Variants in NXPE2 observed in about 807,000 individuals in gnomAD.
NXPE2 encodes the protein neurexophilin and PC-esterase domain family member 2.
Under a neutral mutation model 34.4 loss-of-function variants are expected in NXPE2, and 34 were observed. The ratio of observed to expected loss-of-function variants is 0.99; its 90% CI spans 0.75 to 1.31. The LOEUF is 1.31. NXPE2 is among the 40% of genes most tolerant of loss of function. NXPE2 has a pLI of 0.00. For synonymous variants in NXPE2, 235 were observed against 231.3 expected, an observed-to-expected ratio of 1.02 and a Z score of -0.15; for missense variants, 649 against 672.5, an observed-to-expected ratio of 0.97 and a Z score of 0.39.
chr11:114,499,158 TAGC>T, the NXPE2 span, among the ~76,000 whole-genome samples: 6 of 152,264 alleles, frequency 3.9e-5, no homozygotes, highest in East Asian at 1.2e-3. Context: ...TCAGGATTTT[TAGC>T]TTAGATTACT....
chr11:114,682,593 C>T (rs1477602651), intron 2 of NXPE2, among the ~76,000 whole-genome samples: 1 of 152,146 alleles, frequency 6.6e-6, no homozygotes, highest in Non-Finnish European at 1.5e-5. Context: ...TTTAAAAGCA[C>T]ATACAGGAAG....
At chr11:114,696,656 C>A (rs1475846769) in intron 2 of NXPE2, among the ~76,000 whole-genome samples, 1 of 151,978 alleles carries the variant, frequency 6.6e-6, no homozygotes, top group East Asian at 1.9e-4. Flanking sequence ...AAGCATATAT[C>A]AATAAAAAGA....
the NXPE2 span, among the ~76,000 whole-genome samples, chr11:114,789,695 G>C: frequency 1.8e-4 from 28 of 152,334 alleles, 2 homozygotes; most frequent in East Asian, 5.8e-4. Flanking sequence ...GGGGGCTTCA[G>C]TGAACCCTGA....
rs61693681 is a variant in NXPE2 at position 114,706,085 on chromosome 11, ATTTAT to A, written c.1144+119_1144+123del. On this transcript the variant is annotated intron_variant, in intron 5 of 5. Coordinates refer to ENST00000389586, the MANE Select transcript of NXPE2 (RefSeq NM_182495.6). ...GAATTATTTGCTTTTCTTTTCTAATATTTATTTTATTTTATTTTATTTTATTTTAT... is the reference window on the plus strand; with the variant it reads ...GAATTATTTGCTTTTCTTTTCTAATATTTATTTTATTTTATTTTATTTTAT... 1.9e-3 allele frequency: 728 copies of A among 382,264 alleles called. 2 individuals carry two copies. Among genetic ancestry groups the A allele is most frequent in the African/African-American group, 5.6e-3 (265 of 47,280 alleles). The allele number at this position is 382,264 out of a possible 1,614,324, so 23.7% of individuals were successfully genotyped here.
the NXPE2 span, among the ~76,000 whole-genome samples, chr11:114,558,659 T>C: frequency 6.6e-6 from 1 of 152,228 alleles, no homozygotes; most frequent in Non-Finnish European, 1.5e-5. Flanking sequence ...ACAATCCTCC[T>C]GTTATGGACT....
chr11:114,688,915 A>AT (rs1951096725), intron 2 of NXPE2, among the ~76,000 whole-genome samples: 1 of 152,008 alleles, frequency 6.6e-6, no homozygotes, highest in Non-Finnish European at 1.5e-5. Context: ...AGATAATTGT[A>AT]TTTCTGTGGG....
the NXPE2 span, among the ~76,000 whole-genome samples, chr11:114,742,876 A>T: frequency 6.6e-6 from 1 of 152,156 alleles, no homozygotes; most frequent in East Asian, 1.9e-4. Flanking sequence ...GGTTTGACCA[A>T]TTCCAACAGG....
chr11:114,780,622 C>G, the NXPE2 span, among the ~76,000 whole-genome samples: 4 of 152,144 alleles, frequency 2.6e-5, no homozygotes. Context: ...ACTGGTAACT[C>G]TAGTAGAAGG....
the NXPE2 span, among the ~76,000 whole-genome samples, chr11:114,639,825 T>TATATATTATATTAAATATAAAATATA: frequency 1.7e-5 from 2 of 116,824 alleles, no homozygotes; most frequent in African/African-American, 3.5e-5. Flanking sequence ...TAAAATATAA[T>TATATATTATATTAAATATAAAATATA]ATATATTATA....
the NXPE2 span, among the ~76,000 whole-genome samples, chr11:114,719,786 G>A: frequency 6.6e-6 from 1 of 152,220 alleles, no homozygotes; most frequent in Admixed American, 6.5e-5. Flanking sequence ...TGAGAGGTGA[G>A]TGGGCCCTGA....
chr11:114,582,224 G>T, the NXPE2 span: 4 of 1,481,270 alleles, frequency 2.7e-6, no homozygotes, highest in South Asian at 1.4e-5. Context: ...ACTTTTCTTT[G>T]GATCAGTATA....
chr11:114,563,629 AAAAC>A, the NXPE2 span, among the ~76,000 whole-genome samples: 1,430 of 152,334 alleles, frequency 9.4e-3, 28 homozygotes, highest in African/African-American at 0.033. Flanking sequence ...CAGCAAGAAA[AAAAC>A]AAACAGTCTA....
intron 2 of NXPE2, among the ~76,000 whole-genome samples, chr11:114,694,094 C>CT (rs1475433615): frequency 6.6e-6 from 1 of 152,204 alleles, no homozygotes; most frequent in African/African-American, 2.4e-5. Context: ...TGGTCTAAAT[C>CT]TTTTTCACAC....
At chr11:114,601,180 GTACCTGTCACTCAAATAGCA>G in the NXPE2 span, among the ~76,000 whole-genome samples, 1 of 151,408 alleles carries the variant, frequency 6.6e-6, no homozygotes, top group African/African-American at 2.4e-5. Context: ...GAGTTTTAGT[GTACCTGTCACTCAAATAGCA>G]TACATTTTAC....
chr11:114,679,661 C>T lies in NXPE2; in HGVS notation c.31C>T (p.Leu11Phe), dbSNP rs1301101607. 1 of 1,537,592 alleles carries T rather than the reference C, an allele frequency of 6.5e-7. No homozygotes were observed. Among genetic ancestry groups the T allele is most frequent in the East Asian group, 2.4e-5 (1 of 40,950 alleles). Reference protein sequence around the residue: MVEKILIHRILTLFPNAIARK... With the variant: MVEKILIHRIFTLFPNAIARK... ...TTCTCCTGTCCTTTCTTATAGGATA[C>T]TCACTTTGTTTCCAAATGCCATAGC... Residue 11 changes from leucine (L) to phenylalanine (F), a missense_variant, in exon 2 of 6, where the codon CTC (leucine) becomes TTC (phenylalanine). By Grantham distance (22) the Leu-to-Phe change is conservative. Coordinates refer to ENST00000389586, the MANE Select transcript of NXPE2 (RefSeq NM_182495.6).
At chr11:114,726,106 C>T in the NXPE2 span, among the ~76,000 whole-genome samples, 2 of 150,674 alleles carry the variant, frequency 1.3e-5, no homozygotes, top group Admixed American at 6.6e-5. Context: ...TTTATTTTAC[C>T]TCATTCTTGA....
chr11:114,530,219 T>G, the NXPE2 span: 1 of 1,613,386 alleles, frequency 6.2e-7, no homozygotes, highest in Non-Finnish European at 8.5e-7. Context: ...AAGATACCTC[T>G]CTATTCCGGG....
the NXPE2 span, among the ~76,000 whole-genome samples, chr11:114,626,924 G>A: frequency 1.8e-4 from 28 of 152,032 alleles, no homozygotes; most frequent in African/African-American, 6.5e-4. Flanking sequence ...TATCAGTGAT[G>A]GAAGATGAAA....
At chr11:114,638,565 T>C in the NXPE2 span, among the ~76,000 whole-genome samples, 1 of 151,974 alleles carries the variant, frequency 6.6e-6, no homozygotes, top group African/African-American at 2.4e-5. Flanking sequence ...TTCCCGTTTT[T>C]CTGCTCTGTT....
Sources: allele counts gnomAD v4.1 joint callset (sites outside exome capture counted in the v4.1 genomes callset), GRCh38; gene constraint gnomAD v4.1.1; transcripts MANE v1.5; gene names NCBI Gene and HGNC (gene_info 2026-07-23, HGNC 2026-07-21).